Variants in TCF12 observed in about 807,000 individuals in gnomAD.
TCF12 encodes transcription factor 12, also known as DNA-binding protein HTF4.
Under a neutral mutation model 86.0 loss-of-function variants are expected in TCF12, and 45 were observed. That is an observed-to-expected ratio of 0.52 (90% CI 0.41 to 0.67). The LOEUF is 0.67. TCF12 is among the 30% of genes least tolerant of loss of function. The pLI is 0.00. For synonymous variants in TCF12, 330 were observed against 299.6 expected, an observed-to-expected ratio of 1.10 and a Z score of -1.05; for missense variants, 881 against 859.9, an observed-to-expected ratio of 1.02 and a Z score of -0.31.
At chr15:57,183,894 C>G (rs559484834) in intron 6 of TCF12, among the ~76,000 whole-genome samples, 1 of 152,262 alleles carries the variant, frequency 6.6e-6, no homozygotes, top group South Asian at 2.1e-4. Flanking sequence ...GTTTCCAGAA[C>G]ATGAGTATTT....
At chr15:57,291,179 A>G (rs1486537321), downstream of TCF12, 1 of 152,148 alleles carries the variant, frequency 6.6e-6, no homozygotes, top group Non-Finnish European at 1.5e-5. Context: ...AAGGATAGCA[A>G]AATCTCTGGA....
At chr15:57,042,775 T>TAAA (rs2066982589) in intron 3 of TCF12, among the ~76,000 whole-genome samples, 1 of 152,076 alleles carries the variant, frequency 6.6e-6, no homozygotes, top group South Asian at 2.1e-4. Context: ...TTATTGTGGT[T>TAAA]AAAAAAATGA....
At chr15:56,967,942 CTAATTA>C (rs1397697601) in intron 3 of TCF12, among the ~76,000 whole-genome samples, 1 of 151,754 alleles carries the variant, frequency 6.6e-6, no homozygotes, top group East Asian at 1.9e-4. Flanking sequence ...TCATTGGTTG[CTAATTA>C]TGTTTGTTTG....
chr15:57,017,658 TA>T (rs2065228357), intron 3 of TCF12, among the ~76,000 whole-genome samples: 2 of 152,030 alleles, frequency 1.3e-5, no homozygotes, highest in Non-Finnish European at 2.9e-5. Context: ...TTATTGGTAA[TA>T]TTTTTTAAAA....
intron 3 of TCF12, among the ~76,000 whole-genome samples, chr15:56,965,229 A>T (rs533212617): frequency 2.6e-5 from 4 of 152,262 alleles, no homozygotes; most frequent in African/African-American, 9.6e-5. Flanking sequence ...TATTAATTAT[A>T]TTATGCTCTT....
intron 3 of TCF12, among the ~76,000 whole-genome samples, chr15:56,988,421 A>G (rs1485284856): frequency 1.3e-5 from 2 of 152,326 alleles, no homozygotes; most frequent in South Asian, 2.1e-4. Flanking sequence ...AAAAAGTACA[A>G]TAAAAATGTT....
At chr15:57,072,722 T>G in intron 4 of TCF12, 1 of 1,300,834 alleles carries the variant, frequency 7.7e-7, no homozygotes, top group Non-Finnish European at 1.0e-6. Flanking sequence ...AAAGTAAGTG[T>G]TTTCTATATA....
At chr15:56,963,050 A>AT (rs1427781567) in intron 3 of TCF12, among the ~76,000 whole-genome samples, 4 of 48,246 alleles carry the variant, frequency 8.3e-5, no homozygotes, top group Non-Finnish European at 1.9e-4. Flanking sequence ...TTTTTTTTTT[A>AT]CCTTCTGTAC....
intron 9 of TCF12, 90 bp from the exon 10 acceptor site, chr15:57,232,200 TG>T: frequency 6.9e-7 from 1 of 1,445,694 alleles, no homozygotes; most frequent in Non-Finnish European, 9.6e-7. Context: ...GAAAAATATC[TG>T]GAGGGTACCC....
intron 3 of TCF12, among the ~76,000 whole-genome samples, chr15:57,053,742 C>T (rs2067795318): frequency 6.6e-6 from 1 of 152,096 alleles, no homozygotes; most frequent in African/African-American, 2.4e-5. Context: ...GTGATCAGCC[C>T]CCAGTTGCCT....
intron 15 of TCF12, 98 bp downstream of exon 15, chr15:57,252,590 A>C: frequency 1.0e-6 from 1 of 993,894 alleles, no homozygotes; most frequent in East Asian, 2.6e-5. Flanking sequence ...TCCCATCTTT[A>C]AAAATCAAAC....
At chr15:57,204,069 A>G (rs1363475903) in intron 8 of TCF12, among the ~76,000 whole-genome samples, 7 of 152,190 alleles carry the variant, frequency 4.6e-5, no homozygotes, top group Admixed American at 4.6e-4. Flanking sequence ...AAAACAGCTT[A>G]GACTCTACTT....
At chr15:57,198,975 T>G (rs1597255099) in intron 8 of TCF12, among the ~76,000 whole-genome samples, 1 of 152,158 alleles carries the variant, frequency 6.6e-6, no homozygotes, top group African/African-American at 2.4e-5. Context: ...GTGTGATACA[T>G]GAAAAGTCGA....
chr15:57,131,187 A>T (rs1182585813), intron 5 of TCF12, among the ~76,000 whole-genome samples: 1 of 152,154 alleles, frequency 6.6e-6, no homozygotes, highest in African/African-American at 2.4e-5. Flanking sequence ...TGGTGGTCGC[A>T]CAAGGTAAAC....
chr15:56,961,542 G>T lies in TCF12; in HGVS notation c.148+40444G>T, dbSNP rs529715860. Among the ~76,000 whole-genome samples, 6 of 152,316 alleles carry T rather than the reference G, an allele frequency of 3.9e-5. No individual in the cohort carries two copies. The East Asian group carries it at 9.6e-4, about 24-fold the overall frequency. ...ACATAGTATTATGCATATGGTAAAT[G>T]TTAATAAATGTTTGTGGAATAACTG... On this transcript the variant is annotated intron_variant, in intron 3 of 20. Transcript: ENST00000333725.
At chr15:57,085,217 C>G (rs1256270706) in intron 4 of TCF12, among the ~76,000 whole-genome samples, 1 of 152,122 alleles carries the variant, frequency 6.6e-6, no homozygotes, top group African/African-American at 2.4e-5. Context: ...CTATGCTAGT[C>G]TCTTTTTGGA....
intron 4 of TCF12, chr15:57,072,615 C>A (rs929205623): frequency 1.2e-5 from 15 of 1,264,314 alleles, no homozygotes; most frequent in Non-Finnish European, 1.5e-5. Flanking sequence ...AAAGGACACA[C>A]GAATTTTGAA....
intron 3 of TCF12, among the ~76,000 whole-genome samples, chr15:57,039,530 T>A: frequency 6.6e-6 from 1 of 152,204 alleles, no homozygotes; most frequent in East Asian, 1.9e-4. Flanking sequence ...TGGTCACTGG[T>A]TTTGTTTCTC....
chr15:57,261,720 C>T (rs1053114094), intron 16 of TCF12, among the ~76,000 whole-genome samples: 1 of 150,952 alleles, frequency 6.6e-6, no homozygotes, highest in African/African-American at 2.4e-5. Flanking sequence ...TTCATGCATA[C>T]TTTAATGTAT....
Sources: gnomAD v4.1 joint callset for allele counts (sites outside exome capture counted in the v4.1 genomes callset) on GRCh38, gnomAD v4.1.1 for gene constraint, MANE v1.5 for transcripts, NCBI Gene and HGNC (gene_info 2026-07-23, HGNC 2026-07-21) for gene names.